Variants in PPP1R12B observed in about 807,000 individuals in gnomAD.
The protein encoded by PPP1R12B is protein phosphatase 1 regulatory subunit 12B.
PPP1R12B carries 76 observed loss-of-function variants against 126.1 expected under a neutral mutation model. That is an observed-to-expected ratio of 0.60 (90% confidence interval 0.50 to 0.73). PPP1R12B has a LOEUF of 0.73. Among genes scored for constraint, PPP1R12B ranks in the 30% least tolerant of loss-of-function variants. The pLI is 0.00. For synonymous variants in PPP1R12B, 356 were observed against 434.7 expected, an observed-to-expected ratio of 0.82 and a Z score of 2.25; for missense variants, 1,052 against 1,205.1, an observed-to-expected ratio of 0.87 and a Z score of 1.88.
chr1:202,431,417 G>A (rs1670167638), intron 7 of PPP1R12B, 63 bp from the exon 8 acceptor site: 1 of 1,384,144 alleles, frequency 7.2e-7, no homozygotes, highest in Non-Finnish European at 9.8e-7. Flanking sequence ...TTATAGACTT[G>A]TTCCCTTTAT....
intron 13 of PPP1R12B, among the ~76,000 whole-genome samples, chr1:202,471,677 A>G (rs1255993471): frequency 1.3e-5 from 2 of 151,460 alleles, no homozygotes; most frequent in Non-Finnish European, 2.9e-5. Flanking sequence ...TAGTGAAACA[A>G]CATTTTCTCT....
At chr1:202,468,367 T>G (rs1675343158) in intron 13 of PPP1R12B, among the ~76,000 whole-genome samples, 1 of 152,090 alleles carries the variant, frequency 6.6e-6, no homozygotes, top group African/African-American at 2.4e-5. Context: ...GGTCTAACAT[T>G]TAAGTCTTTA....
intron 18 of PPP1R12B, among the ~76,000 whole-genome samples, chr1:202,497,879 A>G (rs1226904675): frequency 3.9e-5 from 6 of 152,238 alleles, no homozygotes; most frequent in Non-Finnish European, 5.9e-5. Flanking sequence ...AGATAGGAAG[A>G]GTGAATATAG....
At chr1:202,420,890 T>A (rs1571928336) in intron 2 of PPP1R12B, among the ~76,000 whole-genome samples, 1 of 151,748 alleles carries the variant, frequency 6.6e-6, no homozygotes, top group Non-Finnish European at 1.5e-5. Flanking sequence ...GAGGCCCTAT[T>A]ATACCAGGTA....
intron 18 of PPP1R12B, among the ~76,000 whole-genome samples, chr1:202,557,923 A>C (rs1298044433): frequency 2.2e-4 from 33 of 152,144 alleles, no homozygotes; most frequent in Non-Finnish European, 1.9e-4. Context: ...TGTTTGACAA[A>C]CCAGTGGCTT....
intron 12 of PPP1R12B, chr1:202,445,028 CTG>C (rs778595056): frequency 3.2e-6 from 4 of 1,247,116 alleles, no homozygotes; most frequent in Non-Finnish European, 4.0e-6. Context: ...AAGAAAGTGA[CTG>C]TGTGCTGTTT....
intron 13 of PPP1R12B, among the ~76,000 whole-genome samples, chr1:202,458,133 A>G (rs563602977): frequency 1.4e-5 from 2 of 146,668 alleles, no homozygotes; most frequent in East Asian, 4.0e-4. Flanking sequence ...TTGTTTTTCA[A>G]AGAAACCCAA....
intron 12 of PPP1R12B, chr1:202,448,353 G>A (rs1672519697): frequency 6.6e-6 from 1 of 152,158 alleles, no homozygotes; most frequent in Non-Finnish European, 1.5e-5. Context: ...TATAGAATCC[G>A]GTTTGGTTTT....
At chr1:202,453,613 A>G (rs569059127) in intron 13 of PPP1R12B, among the ~76,000 whole-genome samples, 64 of 152,322 alleles carry the variant, frequency 4.2e-4, no homozygotes, top group African/African-American at 1.5e-3. Flanking sequence ...AAAAGATACA[A>G]TACAAATTAA....
At chr1:202,405,053 T>C (rs1852643) in intron 1 of PPP1R12B, among the ~76,000 whole-genome samples, 11,933 of 152,274 alleles carry the variant, frequency 0.078, 621 homozygotes, top group Non-Finnish European at 0.13. Flanking sequence ...CATGAATAAA[T>C]GGAAATGCAC....
chr1:202,437,543 C>G (rs1465029048), intron 9 of PPP1R12B, among the ~76,000 whole-genome samples: 1 of 152,118 alleles, frequency 6.6e-6, no homozygotes, highest in Non-Finnish European at 1.5e-5. Flanking sequence ...TTATTAATTG[C>G]ACAGAGATAG....
At chr1:202,567,921 C>T (rs986965030) in intron 22 of PPP1R12B, 90 bp downstream of exon 22, 11 of 1,480,678 alleles carry the variant, frequency 7.4e-6, no homozygotes, top group Non-Finnish European at 9.3e-6. Flanking sequence ...TGGAAAAAGT[C>T]CATCTTAAGA....
intron 13 of PPP1R12B, among the ~76,000 whole-genome samples, chr1:202,452,589 G>GGGGAGA (rs1265153024): frequency 6.6e-6 from 1 of 151,834 alleles, no homozygotes. Context: ...GGAGGGGGAG[G>GGGGAGA]GGGAGAGGGA....
intron 9 of PPP1R12B, 142 bp downstream of exon 9, chr1:202,434,910 C>T (rs1452391092): frequency 7.2e-7 from 1 of 1,393,664 alleles, no homozygotes; most frequent in African/African-American, 1.5e-5. Flanking sequence ...ACAAAAAACA[C>T]AGGCTGGGTG....
At chr1:202,403,400 A>T (rs1358937564) in intron 1 of PPP1R12B, among the ~76,000 whole-genome samples, 4 of 152,272 alleles carry the variant, frequency 2.6e-5, no homozygotes, top group Non-Finnish European at 5.9e-5. Context: ...ATTTTCGAGA[A>T]GAAATTGGGG....
Position 202,437,805 on chromosome 1 carries a change from T to C in PPP1R12B, c.1255-16T>C. The C allele has an allele frequency of 6.3e-7, 1 of 1,574,920 alleles. No individual in the cohort carries two copies. Among genetic ancestry groups the C allele is most frequent in the Non-Finnish European group, 8.6e-7 (1 of 1,159,430 alleles). On this transcript the variant is annotated splice_polypyrimidine_tract_variant and intron_variant, in intron 9 of 23. Transcript: ENST00000608999. ...GAGCCTTTATTTTTCATTTCTTTTA[T>C]TTGCTTCTCTCATAGTTCTCTTCTG... is the stretch of plus-strand genomic sequence containing the variant.
Position 202,446,252 on chromosome 1 carries a change from A to ATTTT in PPP1R12B, c.1668-2736_1668-2735insTTTT, listed in dbSNP as rs1441894134. ...TCTCTCTCTCTATATATATATATAT[A>ATTTT]TATATTTTTTTTTTTTTTTGAGATG... On this transcript the variant is annotated intron_variant, in intron 12 of 23. Transcript: ENST00000608999. Among the ~76,000 whole-genome samples the ATTTT allele has an allele frequency of 5.0e-3, 284 of 57,206 alleles. 2 individuals carry two copies. Among genetic ancestry groups the ATTTT allele is most frequent in the African/African-American group, 0.02 (256 of 12,522 alleles). The allele number at this position is 57,206 out of a possible 152,430, so 37.5% of individuals were successfully genotyped here. A position where few individuals can be genotyped will look rare whatever the true frequency, so the allele number is the denominator to read the frequency against.
intron 23 of PPP1R12B, chr1:202,574,833 C>A: frequency 1.8e-6 from 1 of 569,358 alleles, no homozygotes; most frequent in Non-Finnish European, 3.0e-6. Context: ...CTTCCACCTG[C>A]CACCCATTTG....
chr1:202,383,294 C>T (rs1206697972), intron 1 of PPP1R12B, among the ~76,000 whole-genome samples: 1 of 152,168 alleles, frequency 6.6e-6, no homozygotes, highest in East Asian at 1.9e-4. Context: ...AGACCATTAG[C>T]AATACAGTTG....
Sources: allele counts gnomAD v4.1 joint callset (sites outside exome capture counted in the v4.1 genomes callset), GRCh38; gene constraint gnomAD v4.1.1; transcripts MANE v1.5; gene names NCBI Gene and HGNC (gene_info 2026-07-23, HGNC 2026-07-21).